The following GSDMC variants were observed in gnomAD, a reference collection of about 807,000 sequenced individuals.
The protein encoded by GSDMC is gasdermin-C.
A neutral mutation model predicts 58.0 loss-of-function variants in GSDMC; 59 were observed. That is an observed-to-expected ratio of 1.02 (90% CI 0.82 to 1.26). The LOEUF is 1.26. GSDMC is among the 50% of genes most tolerant of loss of function. GSDMC has a pLI of 0.00. For synonymous variants in GSDMC, 241 were observed against 220.2 expected (o/e 1.09, Z -0.83); for missense variants, 659 against 598.5 (o/e 1.10, Z -1.06).
chr8:129,778,463 C>T (rs561770188), intron 1 of GSDMC, among the ~76,000 whole-genome samples: 11 of 151,970 alleles, frequency 7.2e-5, no homozygotes, highest in South Asian at 2.1e-4. Flanking sequence ...CAACTCAAGA[C>T]GAATAAAAGA....
intron 1 of GSDMC, among the ~76,000 whole-genome samples, chr8:129,778,797 G>A (rs555299012): frequency 6.8e-6 from 1 of 147,472 alleles, no homozygotes; most frequent in East Asian, 2.0e-4. Flanking sequence ...GTGGGCAAAC[G>A]ACATGAAGAG....
intron 3 of GSDMC, among the ~76,000 whole-genome samples, chr8:129,766,763 G>C (rs891963572): frequency 2.0e-5 from 3 of 152,030 alleles, no homozygotes; most frequent in Admixed American, 1.3e-4. Flanking sequence ...AACATGAATG[G>C]AGTTCCCCTG....
At chr8:129,770,060 A>G (rs1489037483) in intron 3 of GSDMC, among the ~76,000 whole-genome samples, 4 of 152,254 alleles carry the variant, frequency 2.6e-5, no homozygotes, top group African/African-American at 7.2e-5. Context: ...TGTTTTACGT[A>G]TATTAAAAAT....
In GSDMC at chr8:129,777,504, C is replaced by A. The variant is rs750079168; in HGVS notation, c.84G>T (p.Leu28Phe). The A allele has an allele frequency of 1.9e-6, 3 of 1,613,206 alleles. No homozygotes were observed. The highest frequency in any genetic ancestry group is 2.5e-6 in the Non-Finnish European group (3 of 1,179,192). ...SKDLTPVKYL[L>F]SATKLRQFVI... ...CAAACTGACGTAATTTGGTGGCACT[C>A]AATAGGTATTTGACAGGTGTCAGGT... is the stretch of plus-strand genomic sequence containing the variant. Residue 28 changes from leucine to phenylalanine, a missense_variant, in exon 2 of 14, where the codon TTG becomes TTT. Physicochemically the swap from Leu to Phe is conservative, Grantham distance 22. Coordinates refer to ENST00000276708, the MANE Select transcript of GSDMC (RefSeq NM_031415.3).
At chr8:129,732,963 T>C in the GSDMC span, among the ~76,000 whole-genome samples, 1 of 152,242 alleles carries the variant, frequency 6.6e-6, no homozygotes, top group Admixed American at 6.5e-5. Flanking sequence ...TCCCAAATAC[T>C]GTGCTTTTCC....
rs1392520013 is a variant in GSDMC, at chr8:129,749,524, C to A, written c.1215G>T (p.Val405=). The A allele has an allele frequency of 6.2e-7, 1 of 1,612,530 alleles. No homozygotes were observed. The highest frequency in any genetic ancestry group is 1.1e-5 in the South Asian group (1 of 91,046). The change falls in exon 13 of 14, where the codon GTG becomes GTT. Residue 405 remains valine, a splice_region_variant and synonymous_variant. Transcript: ENST00000276708. ...PILYLLEAIM[V]LSDFQHDLLA... Reference sequence around the variant, plus strand: ...GCAAATCGTGTTGGAAGTCACTCAGCACTGAGGGTGGGGGACATGTGGGGA... The same window carrying A: ...GCAAATCGTGTTGGAAGTCACTCAGAACTGAGGGTGGGGGACATGTGGGGA...
the GSDMC span, among the ~76,000 whole-genome samples, chr8:129,742,274 C>A: frequency 6.6e-6 from 1 of 151,728 alleles, no homozygotes; most frequent in Non-Finnish European, 1.5e-5. Flanking sequence ...TGCAAATGCC[C>A]CATCACAAAA....
intron 6 of GSDMC, 101 bp from the exon 7 acceptor site, chr8:129,752,921 C>T: frequency 6.4e-7 from 1 of 1,556,202 alleles, no homozygotes; most frequent in Non-Finnish European, 8.7e-7. Context: ...TCAATCAGTG[C>T]CAGTGCACGA....
At chr8:129,761,809 AC>A (rs2033673714) in intron 5 of GSDMC, among the ~76,000 whole-genome samples, 1 of 152,128 alleles carries the variant, frequency 6.6e-6, no homozygotes, top group Non-Finnish European at 1.5e-5. Context: ...TAACTGAAAG[AC>A]TGGAGACAGT....
At chr8:129,750,231 C>A in intron 11 of GSDMC, 112 bp from the exon 12 acceptor site, 1 of 1,051,946 alleles carries the variant, frequency 9.5e-7, no homozygotes, top group East Asian at 2.6e-5. Flanking sequence ...TTCTCTACCT[C>A]CCCCAGGGGA....
At chr8:129,752,192 C>G in intron 7 of GSDMC, 45 bp from the exon 8 acceptor site, 1 of 1,483,318 alleles carries the variant, frequency 6.7e-7, no homozygotes, top group Non-Finnish European at 9.4e-7. Context: ...CATTAGTCTA[C>G]CCCTACTTTT....
At chr8:129,709,630 A>AGAT in the GSDMC span, among the ~76,000 whole-genome samples, 731 of 152,186 alleles carry the variant, frequency 4.8e-3, 10 homozygotes, top group African/African-American at 0.017. Flanking sequence ...ATAGATAGAT[A>AGAT]GATAGATATG....
the GSDMC span, among the ~76,000 whole-genome samples, chr8:129,714,606 C>T: frequency 5.3e-5 from 8 of 151,984 alleles, no homozygotes; most frequent in African/African-American, 1.9e-4. Context: ...GTCCAAATTT[C>T]TTCCTCCAAA....
chr8:129,779,703 T>TA (rs2034352430), intron 1 of GSDMC, among the ~76,000 whole-genome samples: 1 of 151,986 alleles, frequency 6.6e-6, no homozygotes, highest in Non-Finnish European at 1.5e-5. Flanking sequence ...AAATTATTTT[T>TA]AAATTCTGTA....
At chr8:129,781,693 C>T (rs529665072) in intron 1 of GSDMC, among the ~76,000 whole-genome samples, 2 of 149,266 alleles carry the variant, frequency 1.3e-5, no homozygotes, top group South Asian at 2.1e-4. Flanking sequence ...TGCAGTGGGC[C>T]GAGCGGAGAT....
intron 10 of GSDMC, among the ~76,000 whole-genome samples, chr8:129,750,945 A>G (rs1409674942): frequency 6.6e-6 from 1 of 152,180 alleles, no homozygotes; most frequent in Non-Finnish European, 1.5e-5. Context: ...ATCAGTTTCC[A>G]TATTGGTTAA....
At chr8:129,777,722 A>G (rs779557607) in intron 1 of GSDMC, 131 bp from the exon 2 acceptor site, 79 of 634,350 alleles carry the variant, frequency 1.2e-4, no homozygotes, top group South Asian at 5.6e-5. Flanking sequence ...TAAAATAGTG[A>G]CTAGATTATA....
chr8:129,767,701 G>A (rs2033912021), intron 3 of GSDMC, among the ~76,000 whole-genome samples: 1 of 151,990 alleles, frequency 6.6e-6, no homozygotes, highest in Non-Finnish European at 1.5e-5. Context: ...CCCAAACACG[G>A]AGCCCAGCCT....
the GSDMC span, among the ~76,000 whole-genome samples, chr8:129,722,035 A>G: frequency 6.6e-6 from 1 of 152,222 alleles, no homozygotes; most frequent in Non-Finnish European, 1.5e-5. Context: ...TAGTTGGCCA[A>G]AAAAATTAAA....
Sources: gnomAD v4.1 joint callset for allele counts (sites outside exome capture counted in the v4.1 genomes callset) on GRCh38, gnomAD v4.1.1 for gene constraint, MANE v1.5 for transcripts, NCBI Gene and HGNC (gene_info 2026-07-23, HGNC 2026-07-21) for gene names.